The following CTNNA2 variants were observed in gnomAD, a reference collection of about 807,000 sequenced individuals.
CTNNA2 encodes the protein catenin alpha 2, also known as catenin alpha-2.
In CTNNA2, 42 loss-of-function variants were observed where a neutral mutation model predicts 101.0. The observed-to-expected ratio is 0.42, with a 90% CI of 0.32 to 0.54. The LOEUF (loss-of-function observed/expected upper bound fraction) is 0.54. Ranked by LOEUF, CTNNA2 falls within the 20% of genes least tolerant of loss-of-function variation. CTNNA2 has a pLI of 0.14. For synonymous variants in CTNNA2, 450 were observed against 456.4 expected (o/e 0.99, Z 0.18); for missense variants, 871 against 1,223.1 (o/e 0.71, Z 4.29).
chr2:79,648,019 A>C (rs912198761), intron 1 of CTNNA2, among the ~76,000 whole-genome samples: 1 of 152,204 alleles, frequency 6.6e-6, no homozygotes, highest in Non-Finnish European at 1.5e-5. Flanking sequence ...ACATTCCTCT[A>C]GCCAAAGCTC....
chr2:80,184,797 C>T (rs554270880), intron 7 of CTNNA2, among the ~76,000 whole-genome samples: 17 of 152,166 alleles, frequency 1.1e-4, no homozygotes, highest in African/African-American at 3.9e-4. Context: ...CAATTGAGTT[C>T]ATTTTGTTTA....
chr2:79,278,661 AAG>A (rs1390103208), intron 2 of CTNNA2, among the ~76,000 whole-genome samples: 4 of 152,130 alleles, frequency 2.6e-5, no homozygotes, highest in African/African-American at 9.7e-5. Flanking sequence ...GCATCAAAGA[AAG>A]AGCCCCACCT....
At chr2:80,429,298 A>G (rs1574019417) in intron 9 of CTNNA2, among the ~76,000 whole-genome samples, 1 of 152,150 alleles carries the variant, frequency 6.6e-6, no homozygotes. Context: ...GCTTCTGACA[A>G]CCTTATGAAG....
chr2:80,443,958 G>A (rs1430788552), intron 9 of CTNNA2, among the ~76,000 whole-genome samples: 1 of 152,136 alleles, frequency 6.6e-6, no homozygotes, highest in Non-Finnish European at 1.5e-5. Context: ...AAGTGGGTTA[G>A]GGAGACATGA....
At chr2:79,985,840 G>A (rs1285920797) in intron 7 of CTNNA2, among the ~76,000 whole-genome samples, 1 of 152,138 alleles carries the variant, frequency 6.6e-6, no homozygotes, top group Admixed American at 6.5e-5. Context: ...GGGAACAACT[G>A]CCAGATATCA....
rs1385478583 is a variant in CTNNA2 at position 79,743,329 on chromosome 2, C to A, written c.103-1058C>A. 2.6e-5 allele frequency among the ~76,000 whole-genome samples: 4 copies of A among 152,094 alleles called. 1 individual carries two copies. The highest frequency in any genetic ancestry group is 6.5e-5 in the Admixed American group (1 of 15,286). On this transcript the variant is annotated intron_variant, in intron 2 of 18. Transcript: ENST00000402739. The stretch of plus-strand genomic sequence containing the variant: ...CATGTTGCTCAAAAGATATTAATAG[C>A]CTTTTTAGCAAATTAAATACCTCTA...
chr2:80,210,246 G>A (rs1707799624), intron 7 of CTNNA2, among the ~76,000 whole-genome samples: 1 of 152,038 alleles, frequency 6.6e-6, no homozygotes, highest in Non-Finnish European at 1.5e-5. Flanking sequence ...TAAGTTCTAG[G>A]GTACAAGTGC....
chr2:79,317,523 GA>G (rs1676525297), intron 3 of CTNNA2, among the ~76,000 whole-genome samples: 1 of 151,976 alleles, frequency 6.6e-6, no homozygotes, highest in African/African-American at 2.4e-5. Context: ...CTAGTAACTC[GA>G]TAAATGTGGG....
intron 1 of CTNNA2, among the ~76,000 whole-genome samples, chr2:79,526,420 G>A (rs893151875): frequency 8.6e-5 from 13 of 151,226 alleles, no homozygotes; most frequent in African/African-American, 3.2e-4. Flanking sequence ...TTGATTTAGA[G>A]ATTCAATGCT....
intron 2 of CTNNA2, among the ~76,000 whole-genome samples, chr2:79,249,053 G>C (rs541589161): frequency 2.6e-5 from 4 of 152,220 alleles, no homozygotes; most frequent in Admixed American, 2.6e-4. Flanking sequence ...GTCCTAATTT[G>C]AAGTCCCATC....
chr2:80,289,430 A>G (rs1039142263), intron 7 of CTNNA2, among the ~76,000 whole-genome samples: 1 of 152,148 alleles, frequency 6.6e-6, no homozygotes, highest in Admixed American at 6.5e-5. Flanking sequence ...TAATTTTTAT[A>G]TTACTGATTT....
intron 8 of CTNNA2, among the ~76,000 whole-genome samples, chr2:80,397,369 G>T (rs1278157614): frequency 6.6e-6 from 1 of 152,262 alleles, no homozygotes; most frequent in East Asian, 1.9e-4. Context: ...TTACAGATGA[G>T]GATGTGAAGC....
intron 18 of CTNNA2, among the ~76,000 whole-genome samples, chr2:80,641,437 ATG>A (rs1422021737): frequency 6.6e-6 from 1 of 152,188 alleles, no homozygotes; most frequent in East Asian, 1.9e-4. Flanking sequence ...TTGTAAATAT[ATG>A]AATTCAGAAC....
intron 4 of CTNNA2, among the ~76,000 whole-genome samples, chr2:79,865,319 G>C (rs903546014): frequency 2.0e-5 from 3 of 152,150 alleles, no homozygotes; most frequent in African/African-American, 7.2e-5. Flanking sequence ...TAGTTAGATG[G>C]CGGGTCTTAC....
intron 7 of CTNNA2, among the ~76,000 whole-genome samples, chr2:79,957,897 G>A (rs1384724004): frequency 6.6e-6 from 1 of 152,144 alleles, no homozygotes; most frequent in Non-Finnish European, 1.5e-5. Flanking sequence ...ACATTAATAT[G>A]ATGTCTCCTT....
At chr2:79,788,230 A>G (rs1179911570) in intron 3 of CTNNA2, among the ~76,000 whole-genome samples, 2 of 152,160 alleles carry the variant, frequency 1.3e-5, no homozygotes, top group East Asian at 3.9e-4. Context: ...AACTGATCAC[A>G]GAATGAGGTT....
chr2:80,372,646 T>C (rs1018655753), intron 7 of CTNNA2, among the ~76,000 whole-genome samples: 2 of 152,068 alleles, frequency 1.3e-5, no homozygotes, highest in Non-Finnish European at 2.9e-5. Context: ...AAAATAGACA[T>C]TGTCTTCATT....
intron 1 of CTNNA2, among the ~76,000 whole-genome samples, chr2:79,532,511 T>A (rs1672807325): frequency 6.6e-6 from 1 of 152,196 alleles, no homozygotes; most frequent in Non-Finnish European, 1.5e-5. Context: ...AAAAATTTTC[T>A]TCCTGAATGC....
chr2:80,011,559 C>G (rs1363233567), intron 7 of CTNNA2, among the ~76,000 whole-genome samples: 3 of 149,938 alleles, frequency 2.0e-5, no homozygotes, highest in Admixed American at 6.7e-5. Flanking sequence ...AGCGCTAGTT[C>G]TGCCAGGAAC....
Sources: gnomAD v4.1 joint callset for allele counts (sites outside exome capture counted in the v4.1 genomes callset) on GRCh38, gnomAD v4.1.1 for gene constraint, MANE v1.5 for transcripts, NCBI Gene and HGNC (gene_info 2026-07-23, HGNC 2026-07-21) for gene names.